Variants in CLVS1 observed in about 807,000 individuals in gnomAD.
CLVS1 encodes the protein clavesin 1.
Under a neutral mutation model 33.1 loss-of-function variants are expected in CLVS1, and 10 were observed. That is an observed-to-expected ratio of 0.30 (90% CI 0.19 to 0.51). The LOEUF (loss-of-function observed/expected upper bound fraction) is 0.51. Among genes scored for constraint, CLVS1 ranks in the 20% least tolerant of loss-of-function variants. The pLI is 0.97. For synonymous variants in CLVS1, 163 were observed against 166.1 expected (o/e 0.98, Z 0.14); for missense variants, 343 against 433.4 (o/e 0.79, Z 1.85).
chr8:61,371,186 C>A (rs1330971433), intron 2 of CLVS1, among the ~76,000 whole-genome samples: 2 of 152,104 alleles, frequency 1.3e-5, no homozygotes, highest in Non-Finnish European at 2.9e-5. Context: ...GCCATTCTTG[C>A]AGGAGTAAGT....
At chr8:61,351,780 A>G (rs1812476020) in intron 2 of CLVS1, among the ~76,000 whole-genome samples, 1 of 152,072 alleles carries the variant, frequency 6.6e-6, no homozygotes, top group Non-Finnish European at 1.5e-5. Context: ...GAGGTACAAC[A>G]TTTTTCAATA....
At chr8:61,267,896 T>C (rs911594871) in intron 2 of CLVS1, among the ~76,000 whole-genome samples, 1 of 152,224 alleles carries the variant, frequency 6.6e-6, no homozygotes, top group Non-Finnish European at 1.5e-5. Flanking sequence ...TTAAGAAATC[T>C]TTTTCAAAGT....
At chr8:61,118,383 T>G (rs915762020) in intron 1 of CLVS1, among the ~76,000 whole-genome samples, 9 of 151,286 alleles carry the variant, frequency 5.9e-5, no homozygotes, top group African/African-American at 2.2e-4. Context: ...TCAGTTCTGC[T>G]CTGATCTTAG....
chr8:61,004,992 C>A, the CLVS1 span, among the ~76,000 whole-genome samples: 38 of 152,312 alleles, frequency 2.5e-4, no homozygotes, highest in Non-Finnish European at 1.6e-4. Flanking sequence ...TACCGATATA[C>A]ACATCCACCT....
intron 5 of CLVS1, among the ~76,000 whole-genome samples, chr8:61,487,629 C>T (rs557309919): frequency 6.6e-6 from 1 of 152,308 alleles, no homozygotes; most frequent in South Asian, 2.1e-4. Flanking sequence ...GTCTTTAAGA[C>T]AGTTGAAAAG....
rs374502017 is a variant in CLVS1, at chr8:61,353,944, G to A, written c.456-22661G>A. 2.2e-3 allele frequency among the ~76,000 whole-genome samples: 319 copies of A among 147,648 alleles called. 2 individuals are homozygous for A. Among genetic ancestry groups the A allele is most frequent in the African/African-American group, 7.3e-3 (293 of 40,094 alleles). On this transcript the variant is annotated intron_variant, in intron 2 of 5. Transcript: ENST00000325897. The stretch of plus-strand genomic sequence containing the variant: ...CTACAGCCATGAAAAGGAAAATGAA[G>A]GAATATTATGAACAACTTTATCCTC...
At chr8:61,323,683 G>T (rs1415273571) in intron 2 of CLVS1, among the ~76,000 whole-genome samples, 1 of 151,960 alleles carries the variant, frequency 6.6e-6, no homozygotes, top group Non-Finnish European at 1.5e-5. Flanking sequence ...TAAGTTCAGG[G>T]TTACAAGTGT....
chr8:61,113,956 C>T (rs1328844173), intron 1 of CLVS1, among the ~76,000 whole-genome samples: 6 of 152,174 alleles, frequency 3.9e-5, no homozygotes, highest in Admixed American at 6.5e-5. Context: ...TTACATCAGA[C>T]GACAGCTGAC....
At chr8:61,442,348 A>G (rs1816583178) in intron 3 of CLVS1, among the ~76,000 whole-genome samples, 1 of 152,150 alleles carries the variant, frequency 6.6e-6, no homozygotes. Flanking sequence ...TCTTTTATTA[A>G]GGGACATGTG....
intron 5 of CLVS1, among the ~76,000 whole-genome samples, chr8:61,468,606 G>A (rs576127474): frequency 6.7e-6 from 1 of 149,646 alleles, no homozygotes; most frequent in African/African-American, 2.5e-5. Flanking sequence ...GCTGAATCTT[G>A]ACTGACAATT....
intron 2 of CLVS1, among the ~76,000 whole-genome samples, chr8:61,257,633 G>GT: frequency 6.6e-6 from 1 of 152,140 alleles, no homozygotes; most frequent in East Asian, 1.9e-4. Context: ...TTTTTCCAAA[G>GT]TTAAAGGGAT....
At chr8:60,996,496 G>T in the CLVS1 span, among the ~76,000 whole-genome samples, 48 of 152,340 alleles carry the variant, frequency 3.2e-4, no homozygotes, top group African/African-American at 1.1e-3. Flanking sequence ...CTTGGTTCCA[G>T]ATATAAGAAA....
In CLVS1 at chr8:61,433,217, G is replaced by A. The variant is rs147466596; in HGVS notation, c.631-20924G>A. Among the ~76,000 whole-genome samples, 1,396 of 152,348 alleles carry A rather than the reference G, an allele frequency of 9.2e-3. 26 individuals are homozygous for A. The highest frequency in any genetic ancestry group is 0.032 in the African/African-American group (1,330 of 41,580). ...GATCCACCCACATTGGCCTCCCAAA[G>A]TGCTGGGATTACAGGCTTGAGCCAT... On this transcript the variant is annotated intron_variant, in intron 3 of 5. Transcript: ENST00000325897.
intron 2 of CLVS1, among the ~76,000 whole-genome samples, chr8:61,132,181 G>T (rs1291180848): frequency 6.6e-6 from 1 of 152,266 alleles, no homozygotes; most frequent in Non-Finnish European, 1.5e-5. Flanking sequence ...TGCACCAAGG[G>T]CTCTGTGATT....
intron 2 of CLVS1, among the ~76,000 whole-genome samples, chr8:61,144,885 A>T (rs1335602526): frequency 2.6e-5 from 4 of 152,132 alleles, no homozygotes; most frequent in Non-Finnish European, 4.4e-5. Flanking sequence ...GCCCGCTGCC[A>T]CACCCAGCTA....
intron 1 of CLVS1, among the ~76,000 whole-genome samples, chr8:61,121,402 C>T (rs534461694): frequency 1.9e-4 from 29 of 152,158 alleles, no homozygotes; most frequent in Non-Finnish European, 2.9e-4. Flanking sequence ...CCTTATTCAC[C>T]GGCAACTCTT....
intron 2 of CLVS1, among the ~76,000 whole-genome samples, chr8:61,301,514 A>G (rs73253158): frequency 0.016 from 2,450 of 152,328 alleles, 73 homozygotes; most frequent in African/African-American, 0.056. Context: ...ATGGAAGTGT[A>G]ACAGCTACCG....
chr8:61,323,566 G>A (rs980063140), intron 2 of CLVS1, among the ~76,000 whole-genome samples: 2 of 151,990 alleles, frequency 1.3e-5, no homozygotes, highest in East Asian at 3.9e-4. Flanking sequence ...CTCAATTTTC[G>A]GTGTCAAGCT....
chr8:61,021,523 T>G, the CLVS1 span, among the ~76,000 whole-genome samples: 1 of 151,636 alleles, frequency 6.6e-6, no homozygotes, highest in Non-Finnish European at 1.5e-5. Flanking sequence ...GCTAATTTTT[T>G]TTTTTTTTTT....
Sources: gnomAD v4.1 joint callset for allele counts (sites outside exome capture counted in the v4.1 genomes callset) on GRCh38, gnomAD v4.1.1 for gene constraint, MANE v1.5 for transcripts, NCBI Gene and HGNC (gene_info 2026-07-23, HGNC 2026-07-21) for gene names.